Variants in NAV2 observed in about 807,000 individuals in gnomAD.
NAV2 encodes neuron navigator 2.
Under a neutral mutation model 223.2 loss-of-function variants are expected in NAV2, and 54 were observed. The observed-to-expected ratio is 0.24, with a 90% CI of 0.19 to 0.30. The LOEUF is 0.30. NAV2 is among the 10% of genes least tolerant of loss of function. The pLI is 1.00. For synonymous variants in NAV2, 1,279 were observed against 1,239.3 expected (o/e 1.03, Z -0.67); for missense variants, 2,806 against 3,147.5 (o/e 0.89, Z 2.60).
intron 11 of NAV2, among the ~76,000 whole-genome samples, chr11:20,031,255 C>G (rs1007243232): frequency 6.6e-6 from 1 of 152,350 alleles, no homozygotes; most frequent in East Asian, 1.9e-4. Context: ...AGGTTCCTTT[C>G]AAGTTGCTAT....
At chr11:20,095,422 A>G (rs776601495) in intron 29 of NAV2, among the ~76,000 whole-genome samples, 3 of 152,346 alleles carry the variant, frequency 2.0e-5, no homozygotes, top group Admixed American at 6.5e-5. Context: ...ACATTTACTT[A>G]GCAAAAGTTT....
intron 11 of NAV2, among the ~76,000 whole-genome samples, chr11:20,000,077 C>T (rs749300575): frequency 3.9e-5 from 6 of 152,174 alleles, no homozygotes; most frequent in South Asian, 2.1e-4. Flanking sequence ...TATTCCCTGA[C>T]CTCTGTCCTT....
chr11:19,942,868 A>G (rs1484251330), intron 8 of NAV2, among the ~76,000 whole-genome samples: 1 of 152,170 alleles, frequency 6.6e-6, no homozygotes, highest in Non-Finnish European at 1.5e-5. Context: ...CTGTAGCCCT[A>G]GCTGCATGGG....
intron 10 of NAV2, among the ~76,000 whole-genome samples, chr11:19,975,455 C>T (rs1315694791): frequency 3.3e-5 from 5 of 152,082 alleles, no homozygotes; most frequent in Admixed American, 1.3e-4. Flanking sequence ...ACTTTATATA[C>T]GTATAGATCT....
chr11:20,022,912 G>A, intron 11 of NAV2: 2 of 1,370,580 alleles, frequency 1.5e-6, no homozygotes, highest in Admixed American at 2.9e-5. Context: ...GGTTAATTTT[G>A]TTGGGGGATC....
intron 1 of NAV2, among the ~76,000 whole-genome samples, chr11:19,617,375 CA>C (rs949474195): frequency 4.1e-4 from 62 of 152,222 alleles, no homozygotes; most frequent in African/African-American, 1.4e-3. Context: ...TCCTTCCCAA[CA>C]GGTTTATAAG....
intron 1 of NAV2, among the ~76,000 whole-genome samples, chr11:19,655,250 T>G (rs2048086110): frequency 6.6e-6 from 1 of 152,184 alleles, no homozygotes; most frequent in African/African-American, 2.4e-5. Context: ...CAACAGGTGC[T>G]AGAGAGGATG....
Position 19,530,553 on chromosome 11 carries a change from T to C in NAV2, c.75+179526T>C, listed in dbSNP as rs146644864. Among the ~76,000 whole-genome samples, 665 of 152,282 alleles carry C rather than the reference T, an allele frequency of 4.4e-3. 4 individuals carry two copies. The highest frequency in any genetic ancestry group is 0.015 in the African/African-American group (637 of 41,562). On this transcript the variant is annotated intron_variant, in intron 1 of 37. Coordinates refer to the NAV2 transcript ENST00000360655. ...TGCCCAGGGTCACCCTGCTGATGGA[T>C]GGTATCACGTGGACTTGAATCCAAG...
At chr11:19,372,971 T>G (rs1304586423) in intron 1 of NAV2, among the ~76,000 whole-genome samples, 1 of 152,224 alleles carries the variant, frequency 6.6e-6, no homozygotes, top group Non-Finnish European at 1.5e-5. Context: ...AGAACTTTAT[T>G]CTCTTTGAAA....
At chr11:19,627,976 C>T (rs931174822) in intron 1 of NAV2, among the ~76,000 whole-genome samples, 1 of 151,714 alleles carries the variant, frequency 6.6e-6, no homozygotes, top group African/African-American at 2.4e-5. Context: ...GCAGCCCATT[C>T]CACAAGGAGG....
At chr11:19,717,115 A>C (rs2152337690) in intron 1 of NAV2, among the ~76,000 whole-genome samples, 1 of 152,346 alleles carries the variant, frequency 6.6e-6, no homozygotes. Flanking sequence ...GATGAGGCTT[A>C]GCAAGGTACA....
chr11:20,068,627 G>A (rs1431316323), intron 22 of NAV2, among the ~76,000 whole-genome samples: 1 of 152,192 alleles, frequency 6.6e-6, no homozygotes, highest in African/African-American at 2.4e-5. Flanking sequence ...TAACGAGGGT[G>A]ATAGTATTTA....
intron 1 of NAV2, among the ~76,000 whole-genome samples, chr11:19,720,532 C>T (rs1249778494): frequency 6.6e-6 from 1 of 152,206 alleles, no homozygotes; most frequent in Non-Finnish European, 1.5e-5. Context: ...TTCCGTTCAT[C>T]TTGGTGGGAC....
At chr11:19,368,976 C>T (rs1848381399) in intron 1 of NAV2, among the ~76,000 whole-genome samples, 1 of 152,172 alleles carries the variant, frequency 6.6e-6, no homozygotes, top group South Asian at 2.1e-4. Flanking sequence ...CTTTCTTTCT[C>T]CAAGTTTGGT....
chr11:19,627,150 G>A (rs1237822072), intron 1 of NAV2, among the ~76,000 whole-genome samples: 1 of 152,224 alleles, frequency 6.6e-6, no homozygotes, highest in Non-Finnish European at 1.5e-5. Flanking sequence ...CACTTTAGGA[G>A]GCTGAGGTGG....
chr11:19,829,805 G>A (rs998163818), intron 1 of NAV2, among the ~76,000 whole-genome samples: 1 of 152,126 alleles, frequency 6.6e-6, no homozygotes, highest in Non-Finnish European at 1.5e-5. Flanking sequence ...TCTTCACATC[G>A]ACCTTCTGAA....
At chr11:20,018,598 G>A (rs1236292812) in intron 11 of NAV2, among the ~76,000 whole-genome samples, 1 of 152,122 alleles carries the variant, frequency 6.6e-6, no homozygotes, top group African/African-American at 2.4e-5. Flanking sequence ...AGACTGCATG[G>A]AATAATCAGT....
chr11:19,840,059 C>T lies in NAV2; in HGVS notation c.386-2812C>T, dbSNP rs894314744. Among the ~76,000 whole-genome samples the T allele has an allele frequency of 9.5e-4, 145 of 152,266 alleles. 2 individuals are homozygous for T. The highest frequency in any genetic ancestry group is 3.4e-3 in the African/African-American group (140 of 41,538). The stretch of plus-strand genomic sequence containing the variant: ...TAGCACTCTAATTATTTATGACAAC[C>T]ATAGGAATTCCTGGGAATTTAAGTA... On this transcript the variant is annotated intron_variant, in intron 2 of 37. Coordinates refer to ENST00000349880, the MANE Select transcript of NAV2 (RefSeq NM_145117.5).
At chr11:20,013,739 G>T (rs1163500652) in intron 11 of NAV2, among the ~76,000 whole-genome samples, 1 of 152,120 alleles carries the variant, frequency 6.6e-6, no homozygotes, top group African/African-American at 2.4e-5. Flanking sequence ...TCCCCAGTAG[G>T]GGACAGATGG....
Sources: gnomAD v4.1 joint callset for allele counts (sites outside exome capture counted in the v4.1 genomes callset) on GRCh38, gnomAD v4.1.1 for gene constraint, MANE v1.5 for transcripts, NCBI Gene and HGNC (gene_info 2026-07-23, HGNC 2026-07-21) for gene names.